The following ADGRB3 variants were observed in gnomAD, a reference collection of about 807,000 sequenced individuals.
ADGRB3 encodes the protein adhesion G protein-coupled receptor B3, also known as brain-specific angiogenesis inhibitor 3.
ADGRB3 carries 37 observed loss-of-function variants against 193.4 expected under a neutral mutation model. That is an observed-to-expected ratio of 0.19 (90% CI 0.15 to 0.25). The LOEUF is 0.25. ADGRB3 is among the 10% of genes least tolerant of loss of function. The pLI, the probability that ADGRB3 is intolerant of heterozygous loss-of-function variation, is 1.00. For synonymous variants in ADGRB3, 690 were observed against 644.2 expected (o/e 1.07, Z -1.08); for missense variants, 1,637 against 1,852.9 (o/e 0.88, Z 2.14).
chr6:69,383,154 G>A (rs779378389), intron 31 of ADGRB3, among the ~76,000 whole-genome samples: 1 of 151,914 alleles, frequency 6.6e-6, no homozygotes, highest in African/African-American at 2.4e-5. Context: ...TCATTTATAA[G>A]CTTTCATTAG....
At chr6:68,937,305 A>G (rs1767510688) in intron 5 of ADGRB3, among the ~76,000 whole-genome samples, 1 of 152,186 alleles carries the variant, frequency 6.6e-6, no homozygotes, top group Admixed American at 6.5e-5. Flanking sequence ...CAGATTTTCC[A>G]TGTTACATCA....
intron 17 of ADGRB3, among the ~76,000 whole-genome samples, chr6:69,206,362 A>G (rs1427287945): frequency 6.6e-6 from 1 of 151,994 alleles, no homozygotes; most frequent in Non-Finnish European, 1.5e-5. Flanking sequence ...CCACTGACTC[A>G]AATGTTAATC....
chr6:68,957,207 A>G (rs1345023761), intron 8 of ADGRB3, among the ~76,000 whole-genome samples: 3 of 152,230 alleles, frequency 2.0e-5, no homozygotes, highest in African/African-American at 7.2e-5. Context: ...GGCAAAGGAA[A>G]TTCCTATGAG....
intron 3 of ADGRB3, among the ~76,000 whole-genome samples, chr6:68,719,372 A>G (rs1439514428): frequency 2.0e-5 from 3 of 151,762 alleles, no homozygotes; most frequent in Non-Finnish European, 1.5e-5. Context: ...ATTGAATTTT[A>G]ATTAATATAA....
intron 3 of ADGRB3, among the ~76,000 whole-genome samples, chr6:68,797,268 A>C (rs890405353): frequency 6.6e-6 from 1 of 152,176 alleles, no homozygotes; most frequent in African/African-American, 2.4e-5. Context: ...AGAGGAGACA[A>C]ACAAATGATC....
Position 68,807,865 on chromosome 6 carries a change from G to T in ADGRB3, c.758-122694G>T, listed in dbSNP as rs958133387. 7.2e-5 allele frequency among the ~76,000 whole-genome samples: 11 copies of T among 152,096 alleles called. No homozygotes were observed. In the East Asian group the frequency reaches 1.7e-3, roughly 24 times the overall value. On this transcript the variant is annotated intron_variant, in intron 3 of 31. Coordinates refer to ENST00000370598, the MANE Select transcript of ADGRB3 (RefSeq NM_001704.3). ...ATCATCAGTTAGTTAATACTGTAGAGAATTTAATGAACTGGGAGATAAGAA... is the reference window on the plus strand; with the variant it reads ...ATCATCAGTTAGTTAATACTGTAGATAATTTAATGAACTGGGAGATAAGAA...
chr6:68,684,055 A>G (rs1365944395), intron 3 of ADGRB3, among the ~76,000 whole-genome samples: 3 of 152,212 alleles, frequency 2.0e-5, no homozygotes, highest in Non-Finnish European at 4.4e-5. Flanking sequence ...CTGGAAATAT[A>G]GATTTTTTAT....
intron 3 of ADGRB3, among the ~76,000 whole-genome samples, chr6:68,901,405 A>G (rs1163462472): frequency 6.6e-6 from 1 of 152,140 alleles, no homozygotes; most frequent in African/African-American, 2.4e-5. Flanking sequence ...TTCAAGTCAG[A>G]AGAATCCACA....
chr6:69,066,800 A>G (rs148727822), intron 16 of ADGRB3, among the ~76,000 whole-genome samples: 1 of 152,188 alleles, frequency 6.6e-6, no homozygotes, highest in African/African-American at 2.4e-5. Context: ...TGACATTTAT[A>G]CTCATCAAAT....
chr6:69,186,178 CAAAA>C (rs70987457), intron 17 of ADGRB3, among the ~76,000 whole-genome samples: 5 of 107,416 alleles, frequency 4.7e-5, no homozygotes, highest in South Asian at 3.5e-4. Context: ...AATGAAATAG[CAAAA>C]AAAAAAAAAA....
intron 20 of ADGRB3, among the ~76,000 whole-genome samples, chr6:69,314,486 C>A (rs1413660125): frequency 6.6e-6 from 1 of 151,458 alleles, no homozygotes; most frequent in East Asian, 1.9e-4. Flanking sequence ...TAGAAAATAA[C>A]CTGCTTCAAA....
chr6:69,273,192 C>A (rs897061244), intron 20 of ADGRB3, among the ~76,000 whole-genome samples: 9 of 152,248 alleles, frequency 5.9e-5, no homozygotes, highest in Middle Eastern at 3.4e-3. Context: ...TGAGCCACTG[C>A]GCCTGGCCCT....
intron 20 of ADGRB3, among the ~76,000 whole-genome samples, chr6:69,244,782 CAG>C (rs1766457607): frequency 6.6e-6 from 1 of 151,990 alleles, no homozygotes; most frequent in Admixed American, 6.6e-5. Flanking sequence ...AGCTTGTTGT[CAG>C]AGTTACATGA....
At chr6:69,182,528 T>G (rs1775614377) in intron 17 of ADGRB3, among the ~76,000 whole-genome samples, 1 of 152,138 alleles carries the variant, frequency 6.6e-6, no homozygotes, top group African/African-American at 2.4e-5. Flanking sequence ...AGTGATGGTC[T>G]TAATTTTTGA....
chr6:68,888,679 T>C (rs373658461), intron 3 of ADGRB3, among the ~76,000 whole-genome samples: 9 of 151,942 alleles, frequency 5.9e-5, no homozygotes, highest in African/African-American at 1.7e-4. Flanking sequence ...TGAATAAAAA[T>C]TATGGCACAA....
At chr6:69,288,786 G>C (rs372895760) in intron 20 of ADGRB3, among the ~76,000 whole-genome samples, 1 of 152,178 alleles carries the variant, frequency 6.6e-6, no homozygotes, top group Non-Finnish European at 1.5e-5. Context: ...GAAAATTTCT[G>C]TTGATAACAG....
At chr6:69,130,552 T>C (rs1773979310) in intron 17 of ADGRB3, among the ~76,000 whole-genome samples, 2 of 150,086 alleles carry the variant, frequency 1.3e-5, no homozygotes, top group African/African-American at 4.9e-5. Flanking sequence ...CCAAATCTAC[T>C]TTAGTCAATT....
chr6:69,137,528 G>T (rs9342741), intron 17 of ADGRB3, among the ~76,000 whole-genome samples: 97,136 of 151,956 alleles, frequency 0.64, 32,280 homozygotes, highest in East Asian at 0.95. Flanking sequence ...TCCAGGCATG[G>T]TGGCTCATGC....
At chr6:68,751,576 C>T (rs920710737) in intron 3 of ADGRB3, among the ~76,000 whole-genome samples, 3 of 152,120 alleles carry the variant, frequency 2.0e-5, no homozygotes, top group Non-Finnish European at 4.4e-5. Context: ...TTTACATAAT[C>T]AAAATCTTAT....
Sources: gnomAD v4.1 joint callset for allele counts (sites outside exome capture counted in the v4.1 genomes callset) on GRCh38, gnomAD v4.1.1 for gene constraint, MANE v1.5 for transcripts, NCBI Gene and HGNC (gene_info 2026-07-23, HGNC 2026-07-21) for gene names.